Variants in LAMB2 observed in about 807,000 individuals in gnomAD.
LAMB2 encodes the protein laminin subunit beta-2.
Under a neutral mutation model 202.7 loss-of-function variants are expected in LAMB2, and 119 were observed. The ratio of observed to expected loss-of-function variants is 0.59; its 90% CI spans 0.51 to 0.68. The LOEUF (loss-of-function observed/expected upper bound fraction) is 0.68, where lower values mean the gene tolerates loss of function less well. LAMB2 is among the 30% of genes least tolerant of loss of function. The pLI is 0.00. For synonymous variants in LAMB2, 818 were observed against 902.2 expected (o/e 0.91, Z 1.67); for missense variants, 2,124 against 2,410.6 (o/e 0.88, Z 2.49).
In LAMB2 at chr3:49,130,211, G is replaced by A. The variant is rs368249610; in HGVS notation, c.1225+20C>T. ...GCCCCAGGCTCAGCTTTCTCTCCCC[G>A]TGCCCAATCCCAGCCTCACAGCGGC... On this transcript the variant is annotated intron_variant, in intron 9 of 31. Coordinates refer to ENST00000305544, the MANE Select transcript of LAMB2 (RefSeq NM_002292.4). The surrounding 1 kb of genome is among the most constrained non-coding windows in gnomAD (Gnocchi z 5.0). The A allele has an allele frequency of 1.1e-5, 18 of 1,613,492 alleles. No individual in the cohort carries two copies. The highest frequency in any genetic ancestry group is 2.7e-5 in the African/African-American group (2 of 74,984).
rs759061848 is a variant in LAMB2 at position 49,124,100 on chromosome 3, G to A, written c.3425C>T (p.Ala1142Val). The A allele has an allele frequency of 3.1e-6, 5 of 1,613,990 alleles. No homozygotes were observed. The African/African-American group carries it at 5.3e-5, about 17-fold the overall frequency. ...TATTCCACGAGAGTCACAATCACAG[G>A]CTGCAAGAAAGAGCAGAGCACAGAG... The part of the protein sequence containing the change: ...HWGDPGLQCH[A>V]CDCDSRGIDT... Residue 1142 changes from alanine (A) to valine (V), a missense_variant and splice_region_variant, in exon 24 of 32, where the codon GCC (alanine) becomes GTC (valine). By Grantham distance (64) the Ala-to-Val change is moderately conservative (BLOSUM62 0). Around this residue, in one of 3 missense-constraint regions of LAMB2, gnomAD observed 1,702 missense variants for 1,896.3 expected, o/e 0.90. Coordinates refer to ENST00000305544, the MANE Select transcript of LAMB2 (RefSeq NM_002292.4).
At position 49,130,556 on chromosome 3, in the gene LAMB2, T is replaced by C. The variant is rs1560076304; in HGVS notation, c.1037-137A>G. 7.5e-7 allele frequency: 1 copy of C among 1,339,902 alleles called. No homozygotes were observed. Among genetic ancestry groups the C allele is most frequent in the East Asian group, 2.3e-5 (1 of 43,574 alleles). The allele number at this position is 1,339,902 out of a possible 1,614,324, so 83.0% of individuals were successfully genotyped here. ...CAGGGACTTCAAGGCCTCAGCATCA[T>C]ACTGGTTCCCTACCCAGAGCAGACT... On this transcript the variant is annotated intron_variant, in intron 8 of 31. Coordinates refer to ENST00000305544, the MANE Select transcript of LAMB2 (RefSeq NM_002292.4). The surrounding 1 kb of genome is among the most constrained non-coding windows in gnomAD (Gnocchi z 5.0).
In LAMB2 at chr3:49,126,439, G is replaced by A; in HGVS notation, c.2077C>T (p.Leu693=). The change falls in exon 16 of 32, where the codon CTG becomes TTG. Residue 693 remains leucine, a synonymous_variant. Transcript: ENST00000305544. The part of the protein sequence containing the change: ...LEPGISYKLH[L]KLVRTGGSAQ... The stretch of plus-strand genomic sequence containing the variant: ...CTTCCCCCTGTCCGTACCAGCTTCA[G>A]ATGCAGCTTGTAGGAGATACCAGGC... The A allele has an allele frequency of 6.2e-7, 1 of 1,614,142 alleles. No homozygotes were observed.
Position 49,131,850 on chromosome 3 carries a change from G to A in LAMB2, c.460-127C>T, listed in dbSNP as rs2045485680. On this transcript the variant is annotated intron_variant, in intron 4 of 31. Transcript: ENST00000305544. This position sits in a 1 kb window ranked among gnomAD's most constrained non-coding sequence, Gnocchi z 5.0. ...CAGAGAGTGGGGGTGACTGGTGGAA[G>A]CCAGATAATGACCAGCAAAGGTAGC... 5.6e-6 allele frequency: 6 copies of A among 1,070,682 alleles called. No homozygotes were observed. The South Asian group carries it at 8.1e-5, about 14-fold the overall frequency. The allele number at this position is 1,070,682 out of a possible 1,614,324, so 66.3% of individuals were successfully genotyped here. A position where few individuals can be genotyped will look rare whatever the true frequency, so the allele number is the denominator to read the frequency against.
chr3:49,132,716 C>T lies in LAMB2; in HGVS notation c.77-53G>A. 1 of 1,613,726 alleles carries T rather than the reference C, an allele frequency of 6.2e-7. No homozygotes were observed. Among genetic ancestry groups the T allele is most frequent in the South Asian group, 1.1e-5 (1 of 91,058 alleles). On this transcript the variant is annotated intron_variant, in intron 1 of 31. Coordinates refer to ENST00000305544, the MANE Select transcript of LAMB2 (RefSeq NM_002292.4). The surrounding 1 kb of genome is among the most constrained non-coding windows in gnomAD (Gnocchi z 4.6). The stretch of plus-strand genomic sequence containing the variant: ...CTGAGTTCCTATCCAGTGGCTCCAC[C>T]TCATGTGCCCCAAGGGCAACTACCA...
At chr3:49,127,364 T>C (rs1189116561) in intron 15 of LAMB2, among the ~76,000 whole-genome samples, 1 of 152,116 alleles carries the variant, frequency 6.6e-6, no homozygotes, top group African/African-American at 2.4e-5. Context: ...AATATGTTAT[T>C]CTCTTTCCTT....
rs112933248 is a variant in LAMB2, at chr3:49,123,238, T to G, written c.4118A>C (p.Asp1373Ala). The G allele has an allele frequency of 6.2e-7, 1 of 1,614,038 alleles. No homozygotes were observed. The highest frequency in any genetic ancestry group is 8.5e-7 in the Non-Finnish European group (1 of 1,180,048). The change falls in exon 26 of 32, where the codon GAT becomes GCT. Residue 1373 changes from aspartate (D) to alanine (A), a missense_variant. Around this residue, in one of 3 missense-constraint regions of LAMB2, gnomAD observed 1,702 missense variants for 1,896.3 expected, o/e 0.90. Coordinates refer to ENST00000305544, the MANE Select transcript of LAMB2 (RefSeq NM_002292.4). ...GCTGTTGAAGTCCTCCTTCTGAGCA[T>G]CCATCAGTGCCTCTGTCCGATGCCG... ...SARHRTEALM[D>A]AQKEDFNSKH...
At position 49,129,599 on chromosome 3, in the gene LAMB2, C is replaced by T. The variant is rs768311062; in HGVS notation, c.1518+5G>A. 22 of 1,607,740 alleles carry T rather than the reference C, an allele frequency of 1.4e-5. No homozygotes were observed. The highest frequency in any genetic ancestry group is 1.7e-5 in the Non-Finnish European group (20 of 1,174,360). Reference sequence around the variant, plus strand: ...CCCTAGAACTCCAGCCCCTTCCAGTCGCACCAGGCAGCGGTCACATCCACG... The same window carrying T: ...CCCTAGAACTCCAGCCCCTTCCAGTTGCACCAGGCAGCGGTCACATCCACG... On this transcript the variant is annotated splice_donor_5th_base_variant and intron_variant, in intron 11 of 31. Coordinates refer to ENST00000305544, the MANE Select transcript of LAMB2 (RefSeq NM_002292.4). This position sits in a 1 kb window ranked among gnomAD's most constrained non-coding sequence, Gnocchi z 6.1.
chr3:49,124,698 C>T lies in LAMB2; in HGVS notation c.3109+3G>A, dbSNP rs758586320. 4 of 1,614,116 alleles carry T rather than the reference C, an allele frequency of 2.5e-6. No homozygotes were observed. The Admixed American group carries it at 5.0e-5, about 20-fold the overall frequency. ...AGCCATGCCCTCCCACACTCATACT[C>T]ACGGTGACAGCTCTGTCGGGCAGCC... On this transcript the variant is annotated splice_donor_region_variant and intron_variant, in intron 21 of 31. Transcript: ENST00000305544.
At position 49,126,538 on chromosome 3, in the gene LAMB2, G is replaced by A. The variant is rs2045417787; in HGVS notation, c.2019-41C>T. The A allele has an allele frequency of 5.6e-6, 9 of 1,612,490 alleles. No homozygotes were observed. The African/African-American group carries it at 6.7e-5, about 12-fold the overall frequency. On this transcript the variant is annotated intron_variant, in intron 15 of 31. Transcript: ENST00000305544. The stretch of plus-strand genomic sequence containing the variant: ...GACAGGTGCAGTGGGTCATCTAGGG[G>A]CCCTGTACAAATCATCTGGGCCTCC...
In LAMB2 at chr3:49,129,395, A is replaced by G; in HGVS notation, c.1519-71T>C. Reference sequence around the variant, plus strand: ...CCATCACCACCCAGCAGGAAATCCCAACCACACGTCTTAGCCTCAATCACC... The same window carrying G: ...CCATCACCACCCAGCAGGAAATCCCGACCACACGTCTTAGCCTCAATCACC... On this transcript the variant is annotated intron_variant, in intron 11 of 31. Transcript: ENST00000305544. The surrounding 1 kb of genome is among the most constrained non-coding windows in gnomAD (Gnocchi z 6.1). 7.2e-7 allele frequency: 1 copy of G among 1,382,088 alleles called. No individual in the cohort carries two copies. The highest frequency in any genetic ancestry group is 1.2e-5 in the South Asian group (1 of 83,124). 85.6% of individuals were successfully genotyped at this position (1,382,088 alleles called of 1,614,324 possible).
At position 49,126,605 on chromosome 3, in the gene LAMB2, G is replaced by C. The variant is rs1168217010; in HGVS notation, c.2019-108C>G. 4 of 1,464,314 alleles carry C rather than the reference G, an allele frequency of 2.7e-6. No homozygotes were observed. The East Asian group carries it at 9.1e-5, about 33-fold the overall frequency. 90.7% of individuals were successfully genotyped at this position (1,464,314 alleles called of 1,614,324 possible). ...CAACCAGGCCATTGGCCAAAGCAGAGACTATGGCTGGGTTGCGTTGGGCTG... is the reference window on the plus strand; with the variant it reads ...CAACCAGGCCATTGGCCAAAGCAGACACTATGGCTGGGTTGCGTTGGGCTG... On this transcript the variant is annotated intron_variant, in intron 15 of 31. Coordinates refer to ENST00000305544, the MANE Select transcript of LAMB2 (RefSeq NM_002292.4).
At position 49,131,082 on chromosome 3, in the gene LAMB2, G is replaced by T. The variant is rs2045476290; in HGVS notation, c.783C>A (p.Asp261Glu). ...RLHTLGDNLL[D>E]PRREIREKYY... ...ACTTCTCTCGGATCTCCCTCCGTGG[G>T]TCGAGTAGGTTGTCTCCCAACGTGT... The change falls in exon 7 of 32, where the codon GAC (aspartate) becomes GAA (glutamate). Residue 261 changes from aspartate (D) to glutamate (E), a missense_variant. By Grantham distance (45) the Asp-to-Glu change is conservative (BLOSUM62 2). Coordinates refer to ENST00000305544, the MANE Select transcript of LAMB2 (RefSeq NM_002292.4). This position sits in a 1 kb window ranked among gnomAD's most constrained non-coding sequence, Gnocchi z 5.0. 6.2e-7 allele frequency: 1 copy of T among 1,613,804 alleles called. No homozygotes were observed. Among genetic ancestry groups the T allele is most frequent in the Non-Finnish European group, 8.5e-7 (1 of 1,180,026 alleles).
In LAMB2 at chr3:49,132,793, G is replaced by A. The variant is rs146112267; in HGVS notation, c.75C>T (p.Ser25=). 10 of 1,613,982 alleles carry A rather than the reference G, an allele frequency of 6.2e-6. No homozygotes were observed. Among genetic ancestry groups the A allele is most frequent in the Middle Eastern group, 1.6e-4 (1 of 6,084 alleles). The change falls in exon 1 of 32, where the codon AGC becomes AGT. Residue 25 remains serine (S), a splice_region_variant and synonymous_variant. Transcript: ENST00000305544. The surrounding 1 kb of genome is among the most constrained non-coding windows in gnomAD (Gnocchi z 4.6). Reference sequence around the variant, plus strand: ...CCAGCCCCCACCAGGCCCTCTCACCGCTTAGCAGTAGGCCCAGTCGAAGTT... The same window carrying A: ...CCAGCCCCCACCAGGCCCTCTCACCACTTAGCAGTAGGCCCAGTCGAAGTT... ...PWELRLGLLL[S]VLAATLAQAP... is the part of the protein sequence containing the mutation.
At position 49,128,445 on chromosome 3, in the gene LAMB2, C is replaced by G. The variant is rs762358830; in HGVS notation, c.2018+13G>C. The G allele has an allele frequency of 6.2e-7, 1 of 1,613,252 alleles. No individual in the cohort carries two copies. Among genetic ancestry groups the G allele is most frequent in the South Asian group, 1.1e-5 (1 of 90,904 alleles). On this transcript the variant is annotated intron_variant, in intron 15 of 31. Transcript: ENST00000305544. Reference sequence around the variant, plus strand: ...CCCCCTGCCATTGTGAGTGCTACCACCAGTGCCCTCACCTGGCATGTGGTT... The same window carrying G: ...CCCCCTGCCATTGTGAGTGCTACCAGCAGTGCCCTCACCTGGCATGTGGTT...
chr3:49,131,326 A>T lies in LAMB2; in HGVS notation c.712+53T>A. The stretch of plus-strand genomic sequence containing the variant: ...CCCAAAATAGTTACTGAGGCCCCAA[A>T]TAGTCCCTAGCCGGACACGGACTGT... On this transcript the variant is annotated intron_variant, in intron 6 of 31. Coordinates refer to ENST00000305544, the MANE Select transcript of LAMB2 (RefSeq NM_002292.4). The surrounding 1 kb of genome is among the most constrained non-coding windows in gnomAD (Gnocchi z 5.0). 5 of 1,593,398 alleles carry T rather than the reference A, an allele frequency of 3.1e-6. No individual in the cohort carries two copies. Among genetic ancestry groups the T allele is most frequent in the Non-Finnish European group, 4.3e-6 (5 of 1,162,440 alleles).
At position 49,123,724 on chromosome 3, in the gene LAMB2, G is replaced by A. The variant is rs368346725; in HGVS notation, c.3797+4C>T. On this transcript the variant is annotated splice_donor_region_variant and intron_variant, in intron 24 of 31. Coordinates refer to ENST00000305544, the MANE Select transcript of LAMB2 (RefSeq NM_002292.4). ...CCACCATGTATTCTTAGGCCCTTCC[G>A]CACCGCAGCTCCTCTGTGGCCTCCA... The A allele has an allele frequency of 1.6e-4, 261 of 1,613,464 alleles. 1 individual carries two copies. The South Asian group carries it at 2.2e-3, about 14-fold the overall frequency.
rs767144620 is a variant in LAMB2 at position 49,124,167 on chromosome 3, C to T, written c.3424+23G>A. 5 of 1,614,030 alleles carry T rather than the reference C, an allele frequency of 3.1e-6. No homozygotes were observed. In the South Asian group the frequency reaches 5.5e-5, roughly 18 times the overall value. On this transcript the variant is annotated intron_variant, in intron 23 of 31. Transcript: ENST00000305544. ...GCATTCTGGGAAGTCCTCCATCTACCCTGGCCCCGCTGGCTCCCTCACCAT... is the reference window on the plus strand; with the variant it reads ...GCATTCTGGGAAGTCCTCCATCTACTCTGGCCCCGCTGGCTCCCTCACCAT...
rs1176297028 is a variant in LAMB2 at position 49,121,443 on chromosome 3, C to T, written c.5250G>A (p.Gln1750=). 2 of 1,614,090 alleles carry T rather than the reference C, an allele frequency of 1.2e-6. No homozygotes were observed. The highest frequency in any genetic ancestry group is 2.2e-5 in the South Asian group (2 of 91,082). The part of the protein sequence containing the change: ...DLLQAAQDKL[Q]RLQELEGTYE... ...TGCCCCATTTCTTACCCTGTAGCCG[C>T]TGCAGCTTGTCCTGAGCGGCTTGCA... Residue 1750 remains glutamine (Q), a synonymous_variant, in exon 31 of 32, where the codon CAG becomes CAA. Coordinates refer to ENST00000305544, the MANE Select transcript of LAMB2 (RefSeq NM_002292.4).
Sources: allele counts gnomAD v4.1 joint callset (sites outside exome capture counted in the v4.1 genomes callset), GRCh38; gene constraint gnomAD v4.1.1; regional missense constraint gnomAD v4.1.1; non-coding constraint Gnocchi (gnomAD v3.1); transcripts MANE v1.5; gene names NCBI Gene and HGNC (gene_info 2026-07-23, HGNC 2026-07-21).